The following SPATA6 variants were observed in gnomAD, a reference collection of about 807,000 sequenced individuals.
SPATA6 encodes spermatogenesis-associated protein 6.
In SPATA6, 56 loss-of-function variants were observed where a neutral mutation model predicts 65.3. The observed-to-expected ratio is 0.86, with a 90% CI of 0.69 to 1.07. The LOEUF is 1.07. SPATA6 is among the 50% of genes least tolerant of loss of function. The pLI, the probability that SPATA6 is intolerant of heterozygous loss-of-function variation, is 0.00. For missense variants in SPATA6, 590 were observed against 594.8 expected (o/e 0.99, Z 0.08); for synonymous variants, 199 against 213.2 (o/e 0.93, Z 0.58).
chr1:48,310,050 G>C (rs905679824), intron 11 of SPATA6, among the ~76,000 whole-genome samples: 1 of 152,184 alleles, frequency 6.6e-6, no homozygotes, highest in Non-Finnish European at 1.5e-5. Context: ...AAAATCCCAG[G>C]AATGTGTGGT....
chr1:48,370,703 C>T (rs965529027), intron 9 of SPATA6, among the ~76,000 whole-genome samples: 3 of 152,262 alleles, frequency 2.0e-5, no homozygotes, highest in Middle Eastern at 3.4e-3. Context: ...ATAAGGTAGA[C>T]GTTTTTATTA....
intron 1 of SPATA6, among the ~76,000 whole-genome samples, chr1:48,455,386 T>A (rs1656920140): frequency 6.6e-6 from 1 of 152,008 alleles, no homozygotes. Flanking sequence ...TTTAACTTTT[T>A]TTTTTTTTTT....
intron 8 of SPATA6, among the ~76,000 whole-genome samples, chr1:48,394,792 C>A (rs777083871): frequency 5.9e-5 from 9 of 151,834 alleles, no homozygotes; most frequent in Non-Finnish European, 1.0e-4. Context: ...ACACTCAATA[C>A]CCTTAATTAT....
Position 48,297,563 on chromosome 1 carries a change from A to C in SPATA6, c.*1150T>G, listed in dbSNP as rs187360581. ...TTCAATCATAACTGTAAAATTAATCAAAAACAGAGTCAATGAGAAAATATT... is the reference window on the plus strand; with the variant it reads ...TTCAATCATAACTGTAAAATTAATCCAAAACAGAGTCAATGAGAAAATATT... On this transcript the variant is annotated 3_prime_UTR_variant, in exon 13 of 13. Coordinates refer to ENST00000371847, the MANE Select transcript of SPATA6 (RefSeq NM_019073.4). The C allele has an allele frequency of 2.6e-5, 4 of 152,334 alleles. No individual in the cohort carries two copies. The highest frequency in any genetic ancestry group is 6.5e-5 in the Admixed American group (1 of 15,294). 9.4% of individuals were successfully genotyped at this position (152,334 alleles called of 1,614,324 possible).
intron 11 of SPATA6, among the ~76,000 whole-genome samples, chr1:48,312,086 G>C (rs1291238586): frequency 6.6e-6 from 1 of 152,148 alleles, no homozygotes; most frequent in Non-Finnish European, 1.5e-5. Context: ...ACTCGGTGGA[G>C]CCCACCACAG....
chr1:48,328,363 C>T (rs920870989), intron 11 of SPATA6, among the ~76,000 whole-genome samples: 87 of 152,128 alleles, frequency 5.7e-4, no homozygotes, highest in Non-Finnish European at 1.0e-3. Context: ...AATGATCCAT[C>T]CATCAACTGA....
intron 3 of SPATA6, among the ~76,000 whole-genome samples, chr1:48,449,792 G>C (rs1448981010): frequency 2.0e-5 from 3 of 152,166 alleles, no homozygotes; most frequent in African/African-American, 7.2e-5. Context: ...CCAGCATGGT[G>C]GTTCTGTATT....
At chr1:48,423,240 TG>T (rs897350501) in intron 3 of SPATA6, among the ~76,000 whole-genome samples, 1 of 152,018 alleles carries the variant, frequency 6.6e-6, no homozygotes. Context: ...GCAGACCACT[TG>T]AGGTCAGGAG....
chr1:48,363,814 ATTATAC>A (rs1359491896), intron 9 of SPATA6, among the ~76,000 whole-genome samples: 1 of 150,610 alleles, frequency 6.6e-6, no homozygotes, highest in African/African-American at 2.4e-5. Context: ...TTTTATTATT[ATTATAC>A]TTTAAGTTTT....
Position 48,399,354 on chromosome 1 carries a change from T to C in SPATA6, c.777A>G (p.Arg259=), listed in dbSNP as rs1261757536. 3 of 1,611,642 alleles carry C rather than the reference T, an allele frequency of 1.9e-6. No homozygotes were observed. The highest frequency in any genetic ancestry group is 2.5e-6 in the Non-Finnish European group (3 of 1,178,838). Residue 259 remains arginine (R), a synonymous_variant, in exon 7 of 13, where the codon AGA becomes AGG. Coordinates refer to ENST00000371847, the MANE Select transcript of SPATA6 (RefSeq NM_019073.4). ...KETDKPPFVI[R]HVDPPSPRAD... ...AAATGCTTAAGAGAACACATACATG[T>C]CTAATCACAAATGGAGGTTTATCTG...
the SPATA6 span, among the ~76,000 whole-genome samples, chr1:48,281,939 C>A: frequency 6.6e-6 from 1 of 152,180 alleles, no homozygotes; most frequent in Non-Finnish European, 1.5e-5. Flanking sequence ...AACTATACTA[C>A]AAGGTTACAG....
At chr1:48,276,852 G>C in the SPATA6 span, among the ~76,000 whole-genome samples, 3 of 152,112 alleles carry the variant, frequency 2.0e-5, no homozygotes, top group East Asian at 5.8e-4. Context: ...AGGTCCACTT[G>C]GTCCGGAGCT....
chr1:48,267,724 G>A, the SPATA6 span, among the ~76,000 whole-genome samples: 115 of 148,694 alleles, frequency 7.7e-4, no homozygotes, highest in Admixed American at 2.4e-3. Context: ...GACGTCCAGC[G>A]CTCGAGTCTG....
At chr1:48,462,284 T>G (rs955944270) in intron 1 of SPATA6, among the ~76,000 whole-genome samples, 14 of 152,118 alleles carry the variant, frequency 9.2e-5, no homozygotes, top group Admixed American at 7.9e-4. Context: ...GCATGGCACA[T>G]GTATACATAT....
chr1:48,267,149 G>A, the SPATA6 span, among the ~76,000 whole-genome samples: 1 of 152,064 alleles, frequency 6.6e-6, no homozygotes, highest in African/African-American at 2.4e-5. Context: ...CAGGGCCTGC[G>A]ATGGGAGTGT....
intron 3 of SPATA6, among the ~76,000 whole-genome samples, chr1:48,415,651 A>G (rs1287501587): frequency 2.6e-5 from 4 of 152,042 alleles, no homozygotes; most frequent in Non-Finnish European, 5.9e-5. Context: ...ACTGAAAAAA[A>G]AAACCACAAC....
At chr1:48,385,985 C>T (rs1373592804) in intron 8 of SPATA6, among the ~76,000 whole-genome samples, 4 of 152,122 alleles carry the variant, frequency 2.6e-5, no homozygotes, top group African/African-American at 9.7e-5. Context: ...ACTATTATTA[C>T]TAATACCATC....
At chr1:48,311,561 C>G (rs77967614) in intron 11 of SPATA6, among the ~76,000 whole-genome samples, 1 of 151,888 alleles carries the variant, frequency 6.6e-6, no homozygotes, top group Non-Finnish European at 1.5e-5. Flanking sequence ...AATTAGTAAT[C>G]AAAAAAACTT....
chr1:48,411,670 T>C (rs1652248359), intron 4 of SPATA6, 82 bp from the exon 5 acceptor site: 11 of 1,171,700 alleles, frequency 9.4e-6, no homozygotes, highest in Non-Finnish European at 1.2e-5. Context: ...ATATATCTAC[T>C]GCCTGATGCC....
Sources: allele counts gnomAD v4.1 joint callset (sites outside exome capture counted in the v4.1 genomes callset), GRCh38; gene constraint gnomAD v4.1.1; transcripts MANE v1.5; gene names NCBI Gene and HGNC (gene_info 2026-07-23, HGNC 2026-07-21).